The following GRAMD1B variants were observed in gnomAD, a reference collection of about 807,000 sequenced individuals.
GRAMD1B encodes GRAM domain containing 1B.
A neutral mutation model predicts 99.7 loss-of-function variants in GRAMD1B; 37 were observed. The ratio of observed to expected loss-of-function variants is 0.37; its 90% CI spans 0.29 to 0.49. GRAMD1B has a LOEUF of 0.49. Ranked by LOEUF, GRAMD1B falls within the 20% of genes least tolerant of loss-of-function variation. The pLI is 0.98. For synonymous variants in GRAMD1B, 427 were observed against 387.6 expected (o/e 1.10, Z -1.19); for missense variants, 888 against 1,009.2 (o/e 0.88, Z 1.63).
At chr11:123,547,342 G>A (rs1315071837) in intron 2 of GRAMD1B, among the ~76,000 whole-genome samples, 3 of 152,170 alleles carry the variant, frequency 2.0e-5, no homozygotes, top group African/African-American at 4.8e-5. Flanking sequence ...CTCCTCTGGG[G>A]CTTTGCTGGA....
chr11:123,430,939 G>T lies in GRAMD1B; in HGVS notation c.147G>T (p.Lys49Asn), dbSNP rs1825553802. ...RRRRFKMRRM[K>N]NVQEQSLEAG... ...GGCGCTTCAAGATGCGCCGCATGAA[G>T]AACGTACAGGAGCAGAGCCTGGAGG... Residue 49 changes from lysine (K) to asparagine (N), a missense_variant, in exon 1 of 20, where the codon AAG (lysine) becomes AAT (asparagine). This residue lies in a region of GRAMD1B where 233 missense variants were observed against 154.6 expected (regional missense o/e 1.51). Coordinates refer to ENST00000635736, the MANE Select transcript of GRAMD1B (RefSeq NM_001387025.1). The T allele has an allele frequency of 2.8e-6, 2 of 702,740 alleles. No individual in the cohort carries two copies. Among genetic ancestry groups the T allele is most frequent in the African/African-American group, 1.7e-5 (1 of 57,266 alleles). 43.5% of individuals were successfully genotyped at this position (702,740 alleles called of 1,614,324 possible). A position where few individuals can be genotyped will look rare whatever the true frequency, so the allele number is the denominator to read the frequency against.
At chr11:123,491,855 G>A (rs1327991087) in intron 2 of GRAMD1B, 4 of 399,136 alleles carry the variant, frequency 1.0e-5, no homozygotes, top group Middle Eastern at 6.2e-4. Flanking sequence ...CCAGCATGGT[G>A]CAGAATCTAC....
chr11:123,560,615 A>C (rs756085349), intron 2 of GRAMD1B: 111 of 498,294 alleles, frequency 2.2e-4, no homozygotes, highest in Non-Finnish European at 3.3e-4. Flanking sequence ...TCCTCTCTGC[A>C]CTGCACTCTG....
intron 1 of GRAMD1B, among the ~76,000 whole-genome samples, chr11:123,462,892 A>AAATAAAT (rs1555126017): frequency 1.8e-5 from 2 of 109,244 alleles, no homozygotes; most frequent in Non-Finnish European, 3.9e-5. Flanking sequence ...AAAATAAATT[A>AAATAAAT]AAAAAAAAAA....
intron 13 of GRAMD1B, 22 bp downstream of exon 13, chr11:123,609,935 C>A: frequency 7.7e-7 from 1 of 1,305,584 alleles, no homozygotes; most frequent in Non-Finnish European, 1.1e-6. Context: ...CGCGGATGCA[C>A]AGAAGAGCGA....
intron 2 of GRAMD1B, among the ~76,000 whole-genome samples, chr11:123,572,429 G>A (rs931158528): frequency 6.6e-6 from 1 of 152,224 alleles, no homozygotes; most frequent in African/African-American, 2.4e-5. Flanking sequence ...GGTGTTAGAA[G>A]ATACTCAGGA....
At chr11:123,439,031 A>G (rs1291227494) in intron 1 of GRAMD1B, among the ~76,000 whole-genome samples, 2 of 152,156 alleles carry the variant, frequency 1.3e-5, no homozygotes, top group African/African-American at 4.8e-5. Flanking sequence ...CATTTGCCCC[A>G]ATGGGATTCT....
chr11:123,368,699 AAAAG>A (rs1555106412), intron 1 of GRAMD1B, among the ~76,000 whole-genome samples: 2 of 150,294 alleles, frequency 1.3e-5, no homozygotes, highest in African/African-American at 2.4e-5. Flanking sequence ...AAAAAAAAAA[AAAAG>A]AAAGAAAGAA....
chr11:123,387,570 C>A (rs1399732823), intron 1 of GRAMD1B, among the ~76,000 whole-genome samples: 1 of 152,102 alleles, frequency 6.6e-6, no homozygotes, highest in African/African-American at 2.4e-5. Flanking sequence ...CACCCACCCC[C>A]AGGCTCTTCT....
At chr11:123,451,026 G>A (rs1300542182) in intron 1 of GRAMD1B, among the ~76,000 whole-genome samples, 1 of 152,188 alleles carries the variant, frequency 6.6e-6, no homozygotes, top group African/African-American at 2.4e-5. Flanking sequence ...AGGTAGAGAG[G>A]AAAGAGGGGG....
Position 123,619,209 on chromosome 11 carries a change from G to C in GRAMD1B, c.2529G>C (p.Val843=). ...QKWREIIKSS[V]MLLDQMKDSL... ...GGAGGGAAATCATCAAATCCTCAGT[G>C]ATGCTCCTTGACCAGGTGAGATGCC... The change falls in exon 19 of 20, where the codon GTG becomes GTC. Residue 843 remains valine, a synonymous_variant. Coordinates refer to ENST00000635736, the MANE Select transcript of GRAMD1B (RefSeq NM_001387025.1). 1 of 1,559,508 alleles carries C rather than the reference G, an allele frequency of 6.4e-7. No homozygotes were observed.
chr11:123,481,670 C>T (rs1172794495), intron 2 of GRAMD1B, among the ~76,000 whole-genome samples: 1 of 152,168 alleles, frequency 6.6e-6, no homozygotes, highest in East Asian at 1.9e-4. Flanking sequence ...TATGGAGGCT[C>T]TTCAATGGTT....
At chr11:123,586,197 G>A (rs560781146) in intron 4 of GRAMD1B, among the ~76,000 whole-genome samples, 6 of 152,266 alleles carry the variant, frequency 3.9e-5, no homozygotes, top group East Asian at 1.9e-4. Context: ...TCAGGGGTTC[G>A]GATGACACAT....
intron 17 of GRAMD1B, chr11:123,618,381 T>A: frequency 6.2e-7 from 1 of 1,607,448 alleles, no homozygotes; most frequent in Non-Finnish European, 8.5e-7. Flanking sequence ...ATTTCTCCTT[T>A]ACCCCCTCAT....
chr11:123,590,802 G>A (rs1033885279), intron 4 of GRAMD1B, among the ~76,000 whole-genome samples: 3 of 152,200 alleles, frequency 2.0e-5, no homozygotes, highest in Admixed American at 6.5e-5. Flanking sequence ...TTGATTAAAC[G>A]TGCCACTCTG....
intron 2 of GRAMD1B, chr11:123,560,184 TGTGTGC>T (rs1946577856): frequency 3.4e-6 from 3 of 883,812 alleles, no homozygotes; most frequent in Non-Finnish European, 4.1e-6. Context: ...CGTGTGTGCG[TGTGTGC>T]GCGTGTGCGT....
intron 2 of GRAMD1B, among the ~76,000 whole-genome samples, chr11:123,546,540 G>T (rs909346602): frequency 6.6e-6 from 1 of 152,182 alleles, no homozygotes; most frequent in Non-Finnish European, 1.5e-5. Flanking sequence ...TGGGAGAGAT[G>T]GCCAACCTGG....
At chr11:123,611,525 T>C (rs1191474956) in intron 14 of GRAMD1B, among the ~76,000 whole-genome samples, 6 of 152,188 alleles carry the variant, frequency 3.9e-5, no homozygotes, top group African/African-American at 1.4e-4. Flanking sequence ...TACTCCTCCT[T>C]CAGCCTTGCT....
At chr11:123,367,126 C>T (rs1263308707) in intron 1 of GRAMD1B, among the ~76,000 whole-genome samples, 1 of 152,104 alleles carries the variant, frequency 6.6e-6, no homozygotes, top group African/African-American at 2.4e-5. Flanking sequence ...TCACTTTAGC[C>T]CAAGAGTTTG....
Sources: gnomAD v4.1 joint callset for allele counts (sites outside exome capture counted in the v4.1 genomes callset) on GRCh38, gnomAD v4.1.1 for gene constraint, gnomAD v4.1.1 regional missense constraint, MANE v1.5 for transcripts, NCBI Gene and HGNC (gene_info 2026-07-23, HGNC 2026-07-21) for gene names.